Variants in PIK3AP1 observed in about 807,000 individuals in gnomAD.
The protein encoded by PIK3AP1 is phosphoinositide 3-kinase adapter protein 1.
PIK3AP1 carries 21 observed loss-of-function variants against 88.1 expected under a neutral mutation model. The observed-to-expected ratio is 0.24, with a 90% CI of 0.17 to 0.34. The LOEUF (loss-of-function observed/expected upper bound fraction) is 0.34, where lower values mean the gene tolerates loss of function less well. PIK3AP1 is among the 10% of genes least tolerant of loss of function. The pLI, the probability that PIK3AP1 is intolerant of heterozygous loss-of-function variation, is 1.00. For synonymous variants in PIK3AP1, 398 were observed against 400.0 expected (o/e 1.00, Z 0.06); for missense variants, 828 against 1,035.7 (o/e 0.80, Z 2.75).
At chr10:96,623,204 ATTTAT>A (rs1471558974) in intron 11 of PIK3AP1, among the ~76,000 whole-genome samples, 1 of 152,044 alleles carries the variant, frequency 6.6e-6, no homozygotes, top group African/African-American at 2.4e-5. Context: ...TAATTAAATA[ATTTAT>A]TTAATTTTTA....
intron 14 of PIK3AP1, among the ~76,000 whole-genome samples, chr10:96,608,684 T>C (rs1264882493): frequency 3.9e-5 from 6 of 152,200 alleles, no homozygotes; most frequent in Non-Finnish European, 8.8e-5. Context: ...CACAGACACA[T>C]GCATACACCT....
intron 10 of PIK3AP1, among the ~76,000 whole-genome samples, chr10:96,623,899 C>A (rs1325417667): frequency 6.6e-6 from 1 of 152,168 alleles, no homozygotes; most frequent in Non-Finnish European, 1.5e-5. Context: ...CCAGCTAGTG[C>A]CATAAGACAG....
chr10:96,704,350 G>C (rs1363384805), intron 2 of PIK3AP1, among the ~76,000 whole-genome samples: 1 of 152,172 alleles, frequency 6.6e-6, no homozygotes, highest in Non-Finnish European at 1.5e-5. Flanking sequence ...CAACAGAAAG[G>C]TGGCTTAGAC....
chr10:96,611,686 T>C (rs1650932736), intron 13 of PIK3AP1, among the ~76,000 whole-genome samples: 1 of 152,072 alleles, frequency 6.6e-6, no homozygotes, highest in African/African-American at 2.4e-5. Context: ...GCCAGGATGG[T>C]CTCAATCTCT....
At chr10:96,644,301 A>T (rs1470510751) in intron 8 of PIK3AP1, among the ~76,000 whole-genome samples, 1 of 152,214 alleles carries the variant, frequency 6.6e-6, no homozygotes, top group Non-Finnish European at 1.5e-5. Flanking sequence ...CATACACATA[A>T]GTTTTAAAAA....
In PIK3AP1 at chr10:96,593,553, T is replaced by A. The variant is rs2134170740; in HGVS notation, c.*2024A>T. On this transcript the variant is annotated 3_prime_UTR_variant, in exon 17 of 17. Transcript: ENST00000339364. ...TTGAATATTTTTCCCAGCCCTATTT[T>A]AAATCAAATTCAAGTTTGCCTATGA... 1 of 152,332 alleles carries A rather than the reference T, an allele frequency of 6.6e-6. No individual in the cohort carries two copies. Among genetic ancestry groups the A allele is most frequent in the South Asian group, 2.1e-4 (1 of 4,830 alleles). The allele number at this position is 152,332 out of a possible 1,614,324, so 9.4% of individuals were successfully genotyped here. A position where few individuals can be genotyped will look rare whatever the true frequency, so the allele number is the denominator to read the frequency against.
At chr10:96,635,507 C>T (rs945250963) in intron 8 of PIK3AP1, among the ~76,000 whole-genome samples, 2 of 152,154 alleles carry the variant, frequency 1.3e-5, no homozygotes, top group African/African-American at 4.8e-5. Flanking sequence ...ATACATGGGC[C>T]TCCGTGCCCC....
chr10:96,642,319 G>A (rs1054428754), intron 8 of PIK3AP1, among the ~76,000 whole-genome samples: 2 of 151,758 alleles, frequency 1.3e-5, no homozygotes, highest in Admixed American at 6.6e-5. Context: ...CCAGTAACTC[G>A]GGAGGCTTAG....
chr10:96,633,090 C>T, intron 8 of PIK3AP1: 2 of 1,549,240 alleles, frequency 1.3e-6, no homozygotes, highest in Non-Finnish European at 1.7e-6. Flanking sequence ...CTCATAGCAA[C>T]TCCAGAGGCG....
intron 2 of PIK3AP1, among the ~76,000 whole-genome samples, chr10:96,705,488 C>T (rs972080791): frequency 7.2e-5 from 11 of 152,092 alleles, no homozygotes; most frequent in African/African-American, 2.4e-4. Context: ...AAATTTGTCT[C>T]CCTGTAGTTT....
chr10:96,699,467 T>A (rs1193600459), intron 2 of PIK3AP1, among the ~76,000 whole-genome samples: 1 of 152,232 alleles, frequency 6.6e-6, no homozygotes, highest in Non-Finnish European at 1.5e-5. Flanking sequence ...TTTACTTGTT[T>A]CTTTTTACTT....
intron 1 of PIK3AP1, among the ~76,000 whole-genome samples, chr10:96,710,937 TATAA>T (rs1210096367): frequency 2.6e-5 from 4 of 152,202 alleles, no homozygotes; most frequent in Non-Finnish European, 2.9e-5. Flanking sequence ...CTCACATGAA[TATAA>T]ATAATGTATC....
intron 2 of PIK3AP1, among the ~76,000 whole-genome samples, chr10:96,693,203 G>A (rs1158777649): frequency 1.3e-5 from 2 of 152,102 alleles, no homozygotes; most frequent in African/African-American, 2.4e-5. Context: ...CTATTCAGTC[G>A]TTCAACAATT....
chr10:96,639,504 G>A (rs72818996), intron 8 of PIK3AP1, among the ~76,000 whole-genome samples: 4,433 of 152,254 alleles, frequency 0.029, 124 homozygotes, highest in Non-Finnish European at 0.037. Context: ...TGCTGCTGTC[G>A]ATGGGGATTT....
rs576786405 is a variant in PIK3AP1 at position 96,655,988 on chromosome 10, A to G, written c.567+810T>C. Among the ~76,000 whole-genome samples the G allele has an allele frequency of 6.6e-5, 10 of 152,322 alleles. No individual in the cohort carries two copies. In the East Asian group the frequency reaches 1.9e-3, roughly 29 times the overall value. On this transcript the variant is annotated intron_variant, in intron 3 of 16. Coordinates refer to ENST00000339364, the MANE Select transcript of PIK3AP1 (RefSeq NM_152309.3). ...ACCCCACGTAGGAAGTGCTTGCCCA[A>G]TGCCTCACGGCCTCAGCCTGCACAA...
At chr10:96,708,796 T>C (rs554469170) in intron 2 of PIK3AP1, among the ~76,000 whole-genome samples, 11 of 151,662 alleles carry the variant, frequency 7.3e-5, no homozygotes, top group African/African-American at 2.4e-4. Context: ...TGGTGGGAAA[T>C]AGAGAAGAGG....
intron 8 of PIK3AP1, among the ~76,000 whole-genome samples, chr10:96,629,057 C>T (rs1843201802): frequency 6.6e-6 from 1 of 151,342 alleles, no homozygotes; most frequent in Non-Finnish European, 1.5e-5. Context: ...TACAGAAATG[C>T]ACCACCATGC....
At chr10:96,632,964 A>C in intron 8 of PIK3AP1, 1 of 1,612,852 alleles carries the variant, frequency 6.2e-7, no homozygotes, top group Non-Finnish European at 8.5e-7. Flanking sequence ...CAGTGAAGAG[A>C]GCTGGTCTTC....
chr10:96,646,692 C>T (rs548442134), intron 7 of PIK3AP1, among the ~76,000 whole-genome samples: 3 of 152,184 alleles, frequency 2.0e-5, no homozygotes, highest in South Asian at 2.1e-4. Flanking sequence ...GTTCCAGCCT[C>T]GATTTTATGT....
Sources: gnomAD v4.1 joint callset for allele counts (sites outside exome capture counted in the v4.1 genomes callset) on GRCh38, gnomAD v4.1.1 for gene constraint, MANE v1.5 for transcripts, NCBI Gene and HGNC (gene_info 2026-07-23, HGNC 2026-07-21) for gene names.